CPQ: variants seen among roughly 807,000 people sequenced by gnomAD.
CPQ encodes Ser-Met dipeptidase.
A neutral mutation model predicts 45.7 loss-of-function variants in CPQ; 37 were observed. The observed-to-expected ratio is 0.81, with a 90% confidence interval of 0.62 to 1.07. The LOEUF (loss-of-function observed/expected upper bound fraction) is 1.07, where lower values mean the gene tolerates loss of function less well. Ranked by LOEUF, CPQ falls within the 50% of genes least tolerant of loss-of-function variation. The pLI, the probability that CPQ is intolerant of heterozygous loss-of-function variation, is 0.00. For missense variants in CPQ, 537 were observed against 572.9 expected (o/e 0.94, Z 0.64); for synonymous variants, 186 against 205.8 (o/e 0.90, Z 0.82).
At chr8:96,806,172 T>A (rs1246480990) in intron 2 of CPQ, among the ~76,000 whole-genome samples, 4 of 152,182 alleles carry the variant, frequency 2.6e-5, no homozygotes, top group Non-Finnish European at 5.9e-5. Context: ...CAATATAGGT[T>A]TGGCTGTGTG....
chr8:96,701,178 C>T (rs1586364727), intron 1 of CPQ, among the ~76,000 whole-genome samples: 1 of 152,176 alleles, frequency 6.6e-6, no homozygotes, highest in Admixed American at 6.5e-5. Flanking sequence ...AATCCTTGCT[C>T]AGCAACTTAC....
At chr8:96,694,634 A>T (rs915024909) in intron 1 of CPQ, among the ~76,000 whole-genome samples, 1 of 152,154 alleles carries the variant, frequency 6.6e-6, no homozygotes, top group South Asian at 2.1e-4. Flanking sequence ...TTTGGAAACA[A>T]CAAACACACA....
At chr8:96,987,605 G>A (rs1809010793) in intron 5 of CPQ, among the ~76,000 whole-genome samples, 1 of 152,140 alleles carries the variant, frequency 6.6e-6, no homozygotes. Context: ...TAATTGTGCT[G>A]GCTCTGAGTT....
intron 7 of CPQ, among the ~76,000 whole-genome samples, chr8:97,082,550 T>G (rs1372107763): frequency 1.3e-5 from 2 of 152,310 alleles, no homozygotes; most frequent in South Asian, 4.1e-4. Flanking sequence ...AAGTCAGCAG[T>G]AAGATCCCAA....
chr8:96,996,575 G>A (rs1045471096), intron 5 of CPQ, among the ~76,000 whole-genome samples: 5 of 151,928 alleles, frequency 3.3e-5, no homozygotes, highest in African/African-American at 1.2e-4. Context: ...TTGATCTTAC[G>A]AGTCTTTAGG....
chr8:96,889,028 A>G (rs1812339971), intron 4 of CPQ, among the ~76,000 whole-genome samples: 1 of 152,222 alleles, frequency 6.6e-6, no homozygotes, highest in African/African-American at 2.4e-5. Context: ...GGATGTAAAC[A>G]TCAGCCTTTC....
intron 6 of CPQ, among the ~76,000 whole-genome samples, chr8:97,029,966 C>A (rs1032987924): frequency 6.6e-6 from 1 of 152,126 alleles, no homozygotes; most frequent in Admixed American, 6.5e-5. Context: ...AGGCCTCTGT[C>A]CCAGGAATGT....
intron 1 of CPQ, among the ~76,000 whole-genome samples, chr8:96,737,966 A>G (rs149969256): frequency 8.0e-4 from 121 of 152,150 alleles, no homozygotes; most frequent in Admixed American, 1.2e-3. Flanking sequence ...TCTAATTTTT[A>G]TTCTTCTATA....
chr8:96,828,251 G>A (rs1373421955), intron 2 of CPQ, among the ~76,000 whole-genome samples: 1 of 151,952 alleles, frequency 6.6e-6, no homozygotes, highest in Non-Finnish European at 1.5e-5. Flanking sequence ...TCCTCAAGCT[G>A]AGCCTAGTGA....
chr8:97,126,481 T>C (rs1811849736), intron 7 of CPQ, among the ~76,000 whole-genome samples: 1 of 152,228 alleles, frequency 6.6e-6, no homozygotes, highest in African/African-American at 2.4e-5. Flanking sequence ...CATTTATGCC[T>C]TCATTTTTAT....
At chr8:96,951,397 A>C (rs1055610167) in intron 4 of CPQ, among the ~76,000 whole-genome samples, 13 of 152,122 alleles carry the variant, frequency 8.5e-5, no homozygotes, top group African/African-American at 1.4e-4. Flanking sequence ...CAACTCTGTA[A>C]ATGCAATTTA....
Position 96,879,953 on chromosome 8 carries a change from C to T in CPQ, c.797C>T (p.Thr266Ile). 3.1e-6 allele frequency: 5 copies of T among 1,614,086 alleles called. No homozygotes were observed. The highest frequency in any genetic ancestry group is 4.2e-6 in the Non-Finnish European group (5 of 1,179,966). ...LKMGAKTYPD[T>I]DSFNTVAEIT... The stretch of plus-strand genomic sequence containing the variant: ...ATGGGGGCAAAGACCTACCCAGATA[C>T]TGATTCCTTCAACACTGTAGCAGAG... Residue 266 changes from threonine (T) to isoleucine (I), a missense_variant, in exon 4 of 8, where the codon ACT (threonine) becomes ATT (isoleucine). Transcript: ENST00000220763.
chr8:96,896,604 A>T (rs1293280236), intron 4 of CPQ, among the ~76,000 whole-genome samples: 2 of 152,162 alleles, frequency 1.3e-5, no homozygotes, highest in African/African-American at 2.4e-5. Context: ...ATCAGACAAC[A>T]TTCAAGAGCC....
At chr8:96,960,081 G>A (rs1813431052) in intron 4 of CPQ, among the ~76,000 whole-genome samples, 1 of 152,118 alleles carries the variant, frequency 6.6e-6, no homozygotes, top group Non-Finnish European at 1.5e-5. Flanking sequence ...AATGAAGGGA[G>A]TTAAAAGCTA....
Position 96,982,455 on chromosome 8 carries a change from C to T in CPQ, c.961+16409C>T, listed in dbSNP as rs781004811. Among the ~76,000 whole-genome samples the T allele has an allele frequency of 3.3e-5, 5 of 152,150 alleles. No individual in the cohort carries two copies. The South Asian group carries it at 6.2e-4, about 19-fold the overall frequency. On this transcript the variant is annotated intron_variant, in intron 5 of 7. Transcript: ENST00000220763. ...CCTGGCTCAAATGATCCTCCCACCT[C>T]GGCCTCCTGAGTAGCTGGGACTACA...
intron 7 of CPQ, among the ~76,000 whole-genome samples, chr8:97,105,491 C>A (rs368333355): frequency 6.6e-5 from 10 of 152,176 alleles, no homozygotes; most frequent in African/African-American, 2.4e-4. Flanking sequence ...TCGTTTCTAC[C>A]TTTTGGTTAT....
intron 2 of CPQ, among the ~76,000 whole-genome samples, chr8:96,820,289 A>G (rs1811283255): frequency 6.6e-6 from 1 of 152,126 alleles, no homozygotes; most frequent in South Asian, 2.1e-4. Context: ...CTTAAATGTG[A>G]TGTTTGTTCT....
At chr8:96,860,389 G>A (rs1344010992) in intron 3 of CPQ, among the ~76,000 whole-genome samples, 2 of 152,140 alleles carry the variant, frequency 1.3e-5, no homozygotes, top group African/African-American at 4.8e-5. Flanking sequence ...TCAAAGCTGT[G>A]AGGTTCGCTT....
At chr8:97,075,454 A>T (rs1018881997) in intron 7 of CPQ, among the ~76,000 whole-genome samples, 1 of 152,184 alleles carries the variant, frequency 6.6e-6, no homozygotes, top group East Asian at 1.9e-4. Context: ...ATTATGGAGG[A>T]TACAAAAATG....
Sources: allele counts gnomAD v4.1 joint callset (sites outside exome capture counted in the v4.1 genomes callset), GRCh38; gene constraint gnomAD v4.1.1; transcripts MANE v1.5; gene names NCBI Gene and HGNC (gene_info 2026-07-23, HGNC 2026-07-21).